CSE1L: variants seen among roughly 807,000 people sequenced by gnomAD.
CSE1L encodes chromosome segregation 1 like.
In CSE1L, 24 loss-of-function variants were observed where a neutral mutation model predicts 120.4. That is an observed-to-expected ratio of 0.20 (90% confidence interval 0.14 to 0.28). The LOEUF is 0.28. Among genes scored for constraint, CSE1L ranks in the 10% least tolerant of loss-of-function variants. The pLI is 1.00. For synonymous variants in CSE1L, 402 were observed against 398.3 expected, an observed-to-expected ratio of 1.01 and a Z score of -0.11; for missense variants, 830 against 1,145.2, an observed-to-expected ratio of 0.72 and a Z score of 3.97.
chr20:49,074,711 T>G, intron 10 of CSE1L, 74 bp from the exon 11 acceptor site: 1 of 1,256,210 alleles, frequency 8.0e-7, no homozygotes. Flanking sequence ...TTTTACATAC[T>G]CTTCTGCATT....
intron 1 of CSE1L, among the ~76,000 whole-genome samples, chr20:49,052,279 A>T (rs749608837): frequency 1.3e-5 from 2 of 152,256 alleles, no homozygotes; most frequent in Non-Finnish European, 2.9e-5. Flanking sequence ...GAGCATACAG[A>T]CGAAAGTCCC....
intron 1 of CSE1L, among the ~76,000 whole-genome samples, chr20:49,049,699 C>T (rs1198281946): frequency 6.6e-6 from 1 of 152,078 alleles, no homozygotes. Flanking sequence ...GCTTAGAATT[C>T]GGTTTTATAG....
rs2229042 is a variant in CSE1L, at chr20:49,090,820, A to G, written c.2260A>G (p.Ile754Val). 8.7e-6 allele frequency: 14 copies of G among 1,613,860 alleles called. No individual in the cohort carries two copies. Among genetic ancestry groups the G allele is most frequent in the Non-Finnish European group, 1.1e-5 (13 of 1,179,858 alleles). Reference protein sequence around the residue: ...DHQGFYLLNSIIEHMPPESVD... With the variant: ...DHQGFYLLNSVIEHMPPESVD... ...CCAAGGTTTTTATCTTCTAAACAGT[A>G]TAATAGAGCACATGCCTCCGTGAGT... The change falls in exon 20 of 25, where the codon ATA becomes GTA. Residue 754 changes from isoleucine (I) to valine (V), a missense_variant. This residue lies in a region of CSE1L where 168 missense variants were observed against 267.9 expected (regional missense o/e 0.63). Coordinates refer to ENST00000262982, the MANE Select transcript of CSE1L (RefSeq NM_001316.4).
chr20:49,049,508 G>C (rs1168392851), intron 1 of CSE1L, among the ~76,000 whole-genome samples: 1 of 152,102 alleles, frequency 6.6e-6, no homozygotes, highest in African/African-American at 2.4e-5. Flanking sequence ...TCTAGTTTGA[G>C]TCATTTTTAG....
intron 2 of CSE1L, 98 bp from the exon 3 acceptor site, chr20:49,063,104 T>C: frequency 1.7e-6 from 1 of 597,758 alleles, no homozygotes; most frequent in Non-Finnish European, 2.4e-6. Flanking sequence ...AACCTAATCT[T>C]TTCTCTTTTT....
At chr20:49,074,350 C>T (rs1049329435) in intron 10 of CSE1L, among the ~76,000 whole-genome samples, 1 of 151,752 alleles carries the variant, frequency 6.6e-6, no homozygotes, top group Non-Finnish European at 1.5e-5. Context: ...AGGTTACACG[C>T]GTGAGCCACC....
chr20:49,049,473 A>G (rs926050806), intron 1 of CSE1L, among the ~76,000 whole-genome samples: 2 of 152,044 alleles, frequency 1.3e-5, no homozygotes, highest in South Asian at 2.1e-4. Flanking sequence ...GAGCCACCCT[A>G]CTTGGCCAAA....
intron 17 of CSE1L, among the ~76,000 whole-genome samples, chr20:49,088,473 G>A (rs1410163051): frequency 2.0e-5 from 3 of 152,258 alleles, no homozygotes; most frequent in South Asian, 4.1e-4. Flanking sequence ...AAAATCCTTT[G>A]TGTTGTCTTT....
At chr20:49,096,116 TTAAC>T (rs1346176259) in intron 24 of CSE1L, 6 of 673,598 alleles carry the variant, frequency 8.9e-6, no homozygotes, top group African/African-American at 7.1e-5. Context: ...GACTTTTTAA[TTAAC>T]CACAATACCA....
In CSE1L at chr20:49,075,314, A is replaced by G; in HGVS notation, c.1133-4A>G. ...CCATAATATATTTTCTTTTCATTTCATAGATATTGATACTAGACGCAGGGC... is the reference window on the plus strand; with the variant it reads ...CCATAATATATTTTCTTTTCATTTCGTAGATATTGATACTAGACGCAGGGC... On this transcript the variant is annotated splice_polypyrimidine_tract_variant and splice_region_variant and intron_variant, in intron 11 of 24. Coordinates refer to ENST00000262982, the MANE Select transcript of CSE1L (RefSeq NM_001316.4). 4 of 1,608,614 alleles carry G rather than the reference A, an allele frequency of 2.5e-6. No homozygotes were observed. The highest frequency in any genetic ancestry group is 1.7e-6 in the Non-Finnish European group (2 of 1,177,062).
intron 3 of CSE1L, among the ~76,000 whole-genome samples, chr20:49,064,925 T>TGG (rs571248378): frequency 8.5e-4 from 129 of 151,426 alleles, no homozygotes; most frequent in Non-Finnish European, 1.2e-3. Flanking sequence ...GAGGCTCAGA[T>TGG]GGGAGGATTG....
intron 3 of CSE1L, among the ~76,000 whole-genome samples, chr20:49,065,312 A>ATTTTTTTTTT (rs1568769017): frequency 2.4e-4 from 19 of 79,412 alleles, no homozygotes; most frequent in South Asian, 8.2e-4. Flanking sequence ...ATGAAAAAAA[A>ATTTTTTTTTT]ATTTTTTTTT....
intron 14 of CSE1L, among the ~76,000 whole-genome samples, chr20:49,080,890 C>G (rs6066962): frequency 1.3e-5 from 2 of 152,296 alleles, no homozygotes; most frequent in East Asian, 3.9e-4. Context: ...ACCCTTTTGC[C>G]TAAGCCTCCC....
intron 14 of CSE1L, among the ~76,000 whole-genome samples, chr20:49,080,291 G>A (rs1465692808): frequency 7.5e-6 from 1 of 134,018 alleles, no homozygotes; most frequent in Non-Finnish European, 1.6e-5. Context: ...TTTGCTCACT[G>A]CAAGCTCAGC....
At chr20:49,069,682 CT>C (rs949162759) in intron 7 of CSE1L, among the ~76,000 whole-genome samples, 1 of 152,130 alleles carries the variant, frequency 6.6e-6, no homozygotes, top group African/African-American at 2.4e-5. Context: ...TTGCTTACAC[CT>C]TTTGAATTCT....
chr20:49,073,564 C>T (rs1568775157), intron 10 of CSE1L, among the ~76,000 whole-genome samples: 1 of 152,152 alleles, frequency 6.6e-6, no homozygotes, highest in Admixed American at 6.5e-5. Flanking sequence ...TGGCTTACTG[C>T]AACCTCAACT....
intron 1 of CSE1L, among the ~76,000 whole-genome samples, chr20:49,055,519 C>G (rs1365198690): frequency 4.6e-5 from 7 of 152,012 alleles, no homozygotes; most frequent in Non-Finnish European, 8.8e-5. Context: ...GAGTTCAAGA[C>G]CAGCCTGCGC....
rs1391950514 is a variant in CSE1L, at chr20:49,089,592, A to G, written c.2027A>G (p.Asn676Ser). 3 of 1,614,168 alleles carry G rather than the reference A, an allele frequency of 1.9e-6. No individual in the cohort carries two copies. Among genetic ancestry groups the G allele is most frequent in the South Asian group, 2.2e-5 (2 of 91,080 alleles). ...VMSLLLETHK[N>S]DIPSSYMALF... ...TCTTTGCTTCTGGAAACACACAAAA[A>G]TGACATCCCGTCTTCCTATATGGCC... Residue 676 changes from asparagine to serine, a missense_variant, in exon 19 of 25, where the codon AAT (asparagine) becomes AGT (serine). Physicochemically the swap from Asn to Ser is conservative, Grantham distance 46. Coordinates refer to ENST00000262982, the MANE Select transcript of CSE1L (RefSeq NM_001316.4).
At chr20:49,086,731 G>A (rs2092061289) in intron 16 of CSE1L, among the ~76,000 whole-genome samples, 1 of 152,100 alleles carries the variant, frequency 6.6e-6, no homozygotes, top group South Asian at 2.1e-4. Flanking sequence ...TTTAGGGTAT[G>A]TAAGAATACA....
Sources: gnomAD v4.1 joint callset for allele counts (sites outside exome capture counted in the v4.1 genomes callset) on GRCh38, gnomAD v4.1.1 for gene constraint, gnomAD v4.1.1 regional missense constraint, MANE v1.5 for transcripts, NCBI Gene and HGNC (gene_info 2026-07-23, HGNC 2026-07-21) for gene names.